Variants in SNIP1 observed in about 807,000 individuals in gnomAD.
SNIP1 encodes Smad nuclear interacting protein 1.
A neutral mutation model predicts 37.4 loss-of-function variants in SNIP1; 23 were observed. The observed-to-expected ratio is 0.61, with a 90% CI of 0.44 to 0.87. The LOEUF is 0.87. Among genes scored for constraint, SNIP1 ranks in the 40% least tolerant of loss-of-function variants. The probability of loss-of-function intolerance (pLI) is 0.00; values close to 1 mark genes in which losing one functional copy is unlikely to be tolerated. For missense variants in SNIP1, 459 were observed against 540.4 expected (o/e 0.85, Z 1.49); for synonymous variants, 174 against 200.0 (o/e 0.87, Z 1.10).
At chr1:37,541,505 A>C (rs1643174111) in intron 2 of SNIP1, 1 of 152,164 alleles carries the variant, frequency 6.6e-6, no homozygotes, top group African/African-American at 2.4e-5. Context: ...TCTACTAAAA[A>C]TACAAAATTA....
Position 37,537,640 on chromosome 1 carries a change from C to T in SNIP1, c.*108G>A. Reference sequence around the variant, plus strand: ...AGGAAAGACTTAAGGCAGTAAGAGGCATTACAGAGAGCACCATAGTGCTGG... The same window carrying T: ...AGGAAAGACTTAAGGCAGTAAGAGGTATTACAGAGAGCACCATAGTGCTGG... On this transcript the variant is annotated 3_prime_UTR_variant, in exon 4 of 4. Transcript: ENST00000296215. The T allele has an allele frequency of 8.7e-7, 1 of 1,153,396 alleles. No homozygotes were observed. Among genetic ancestry groups the T allele is most frequent in the African/African-American group, 1.5e-5 (1 of 64,704 alleles). The allele number at this position is 1,153,396 out of a possible 1,614,324, so 71.4% of individuals were successfully genotyped here. A position where few individuals can be genotyped will look rare whatever the true frequency, so the allele number is the denominator to read the frequency against.
intron 2 of SNIP1, chr1:37,545,097 T>A: frequency 2.7e-6 from 2 of 743,558 alleles, no homozygotes; most frequent in Non-Finnish European, 2.5e-6. Context: ...CAGTCACTAC[T>A]GGAACTGCAC....
At chr1:37,542,227 C>T (rs1466828223) in intron 2 of SNIP1, among the ~76,000 whole-genome samples, 3 of 152,112 alleles carry the variant, frequency 2.0e-5, no homozygotes, top group East Asian at 1.9e-4. Context: ...AGGCAGGTAG[C>T]GCATACAGCA....
chr1:37,546,033 A>G (rs1373507548), intron 2 of SNIP1, among the ~76,000 whole-genome samples: 1 of 151,940 alleles, frequency 6.6e-6, no homozygotes, highest in African/African-American at 2.4e-5. Context: ...CAGCAATCCC[A>G]TTTCTGGATA....
At chr1:37,538,759 T>A (rs1445831034) in intron 3 of SNIP1, among the ~76,000 whole-genome samples, 1 of 152,106 alleles carries the variant, frequency 6.6e-6, no homozygotes, top group Non-Finnish European at 1.5e-5. Flanking sequence ...GAGCCAGAGT[T>A]CTACTATGGC....
rs1240884643 is a variant in SNIP1 at position 37,546,062 on chromosome 1, A to T, written c.328-5307T>A. On this transcript the variant is annotated intron_variant, in intron 2 of 3. Coordinates refer to ENST00000296215, the MANE Select transcript of SNIP1 (RefSeq NM_024700.4). ...CTGGATATCCCAAACAAATGAAAGC[A>T]GGGTCTCAAATAGATACTTGAGCAT... 2.0e-5 allele frequency among the ~76,000 whole-genome samples: 3 copies of T among 151,958 alleles called. 1 individual carries two copies. Among genetic ancestry groups the T allele is most frequent in the Non-Finnish European group, 1.5e-5 (1 of 68,018 alleles).
At position 37,541,662 on chromosome 1, in the gene SNIP1, C is replaced by CAA. The variant is rs34756254; in HGVS notation, c.328-909_328-908dup. Reference sequence around the variant, plus strand: ...GGGCAACAAGAGTGAAACTCCTTCTCAAAAAAAAAAAAAAAAAAAATTCAG... The same window carrying CAA: ...GGGCAACAAGAGTGAAACTCCTTCTCAAAAAAAAAAAAAAAAAAAAAATTCAG... On this transcript the variant is annotated intron_variant, in intron 2 of 3. Transcript: ENST00000296215. The CAA allele has an allele frequency of 2.3e-3, 290 of 127,876 alleles. 1 individual carries two copies. Among genetic ancestry groups the CAA allele is most frequent in the African/African-American group, 8.3e-3 (275 of 32,948 alleles). The allele number at this position is 127,876 out of a possible 1,614,324, so 7.9% of individuals were successfully genotyped here. A position where few individuals can be genotyped will look rare whatever the true frequency, so the allele number is the denominator to read the frequency against.
rs574969801 is a variant in SNIP1 at position 37,544,883 on chromosome 1, G to C, written c.328-4128C>G. On this transcript the variant is annotated intron_variant, in intron 2 of 3. Coordinates refer to ENST00000296215, the MANE Select transcript of SNIP1 (RefSeq NM_024700.4). ...CATGTCTTACTACTTTGACCACAAT[G>C]ATGTGGCTTTGAAGAACTTTGCCAA... 3,246 of 1,015,012 alleles carry C rather than the reference G, an allele frequency of 3.2e-3. 86 individuals are homozygous for C. In the South Asian group the frequency reaches 0.039, roughly 12 times the overall value. 62.9% of individuals were successfully genotyped at this position (1,015,012 alleles called of 1,614,324 possible). A position where few individuals can be genotyped will look rare whatever the true frequency, so the allele number is the denominator to read the frequency against.
chr1:37,540,320 G>T lies in SNIP1; in HGVS notation c.763C>A (p.Pro255Thr), dbSNP rs760633721. Residue 255 changes from proline to threonine, a missense_variant, in exon 3 of 4, where the codon CCC (proline) becomes ACC (threonine). Transcript: ENST00000296215. The surrounding 1 kb of genome is among the most constrained non-coding windows in gnomAD (Gnocchi z 5.6). The part of the protein sequence containing the change: ...KYSEPPEARI[P>T]KKRWRLYPFK... ...GGGTAGAGACGCCACCGTTTTTTGG[G>T]GATACGTGCTTCTGGGGGCTCACTA... 2 of 1,614,050 alleles carry T rather than the reference G, an allele frequency of 1.2e-6. No homozygotes were observed. Among genetic ancestry groups the T allele is most frequent in the Non-Finnish European group, 1.7e-6 (2 of 1,180,010 alleles).
intron 2 of SNIP1, chr1:37,545,072 GAAAAAC>G: frequency 2.7e-6 from 2 of 749,062 alleles, no homozygotes; most frequent in South Asian, 2.7e-5. Flanking sequence ...ATTACATTTG[GAAAAAC>G]TTGGGAATCA....
intron 3 of SNIP1, among the ~76,000 whole-genome samples, chr1:37,539,493 C>T (rs572948340): frequency 6.6e-6 from 1 of 152,148 alleles, no homozygotes; most frequent in Non-Finnish European, 1.5e-5. Context: ...AGGCGGATCA[C>T]GAGGTCAGGA....
chr1:37,544,752 T>A, intron 2 of SNIP1: 1 of 687,160 alleles, frequency 1.5e-6, no homozygotes, highest in Non-Finnish European at 2.7e-6. Flanking sequence ...ACAGCCACCG[T>A]GGCCACCACC....
intron 1 of SNIP1, 50 bp from the exon 2 acceptor site, chr1:37,552,797 T>G: frequency 6.7e-7 from 1 of 1,483,386 alleles, no homozygotes; most frequent in East Asian, 2.3e-5. Context: ...CCTTCCCCCA[T>G]AAAAATTAGC....
intron 2 of SNIP1, among the ~76,000 whole-genome samples, chr1:37,552,017 C>T (rs1643306546): frequency 6.6e-6 from 1 of 152,176 alleles, no homozygotes; most frequent in Non-Finnish European, 1.5e-5. Flanking sequence ...GTGGCTAAAT[C>T]CATGCCATTT....
chr1:37,541,554 C>T (rs1643174527), intron 2 of SNIP1: 1 of 152,076 alleles, frequency 6.6e-6, no homozygotes, highest in Admixed American at 6.6e-5. Flanking sequence ...CCTAGCTACT[C>T]AGGAGGCTAA....
Position 37,540,139 on chromosome 1 carries a change from T to C in SNIP1, c.926+18A>G. 1 of 1,549,996 alleles carries C rather than the reference T, an allele frequency of 6.5e-7. No individual in the cohort carries two copies. ...TTGTTTCTGCTCACATTACAGTTTC[T>C]TCCTCCATGTTACTTACCGATATTG... On this transcript the variant is annotated intron_variant, in intron 3 of 3. Transcript: ENST00000296215. The surrounding 1 kb of genome is among the most constrained non-coding windows in gnomAD (Gnocchi z 5.6).
At chr1:37,539,415 CAA>C (rs1353183170) in intron 3 of SNIP1, among the ~76,000 whole-genome samples, 1 of 152,078 alleles carries the variant, frequency 6.6e-6, no homozygotes, top group East Asian at 1.9e-4. Flanking sequence ...TGTTAAAAAA[CAA>C]ACAAACAAAA....
chr1:37,539,895 G>C (rs1297839335), intron 3 of SNIP1, among the ~76,000 whole-genome samples: 1 of 152,202 alleles, frequency 6.6e-6, no homozygotes, highest in African/African-American at 2.4e-5. Context: ...TGCCGCTGGA[G>C]TGAGCTGTGT....
chr1:37,550,394 A>G (rs1244243431), intron 2 of SNIP1, among the ~76,000 whole-genome samples: 5 of 152,248 alleles, frequency 3.3e-5, no homozygotes, highest in African/African-American at 1.2e-4. Flanking sequence ...AAAAAAGCAA[A>G]TAATAGTATT....
Sources: gnomAD v4.1 joint callset for allele counts (sites outside exome capture counted in the v4.1 genomes callset) on GRCh38, gnomAD v4.1.1 for gene constraint, Gnocchi (gnomAD v3.1) non-coding constraint, MANE v1.5 for transcripts, NCBI Gene and HGNC (gene_info 2026-07-23, HGNC 2026-07-21) for gene names.